The following THRAP3 variants were observed in gnomAD, a reference collection of about 807,000 sequenced individuals.
THRAP3 encodes thyroid hormone receptor associated protein 3.
In THRAP3, 16 loss-of-function variants were observed where a neutral mutation model predicts 101.0. The observed-to-expected ratio is 0.16, with a 90% CI of 0.11 to 0.24. The LOEUF (loss-of-function observed/expected upper bound fraction) is 0.24, where lower values mean the gene tolerates loss of function less well. Among genes scored for constraint, THRAP3 ranks in the 10% least tolerant of loss-of-function variants. The pLI is 1.00. For missense variants in THRAP3, 989 were observed against 1,202.7 expected (o/e 0.82, Z 2.63); for synonymous variants, 407 against 422.6 (o/e 0.96, Z 0.45).
intron 1 of THRAP3, among the ~76,000 whole-genome samples, chr1:36,254,199 AT>A (rs1283295510): frequency 1.3e-5 from 2 of 152,242 alleles, no homozygotes; most frequent in Non-Finnish European, 2.9e-5. Context: ...GAAACTGCTG[AT>A]AAATAACCTT....
chr1:36,292,105 A>G (rs529918275), intron 6 of THRAP3, among the ~76,000 whole-genome samples: 4 of 151,924 alleles, frequency 2.6e-5, no homozygotes, highest in Non-Finnish European at 5.9e-5. Flanking sequence ...CTAGTGCCCA[A>G]TATGGGACCG....
chr1:36,300,173 T>C (rs955761107), intron 9 of THRAP3, among the ~76,000 whole-genome samples: 2 of 152,096 alleles, frequency 1.3e-5, no homozygotes, highest in East Asian at 1.9e-4. Context: ...TTCCCCTAGA[T>C]GAAGGAAAGG....
chr1:36,292,536 G>C (rs1645889677), intron 6 of THRAP3, 62 bp from the exon 7 acceptor site: 1 of 1,330,754 alleles, frequency 7.5e-7, no homozygotes, highest in Non-Finnish European at 1.1e-6. Flanking sequence ...TCCGAAAGTG[G>C]TGGGATTATA....
intron 11 of THRAP3, among the ~76,000 whole-genome samples, chr1:36,302,417 C>T (rs1022305620): frequency 1.3e-5 from 2 of 152,212 alleles, no homozygotes; most frequent in Non-Finnish European, 2.9e-5. Context: ...CATCCCTTTT[C>T]TAGGGTTGCT....
the THRAP3 span, among the ~76,000 whole-genome samples, chr1:36,210,408 G>C: frequency 1.3e-5 from 2 of 148,292 alleles, no homozygotes; most frequent in African/African-American, 5.0e-5. Context: ...AAAATTATAG[G>C]CTGGGCACAG....
intron 1 of THRAP3, among the ~76,000 whole-genome samples, chr1:36,244,866 C>T (rs1018749375): frequency 6.6e-6 from 1 of 151,998 alleles, no homozygotes; most frequent in Non-Finnish European, 1.5e-5. Context: ...TACAGGCACA[C>T]GCCACCACGC....
chr1:36,220,972 A>AAAAAAAATATATATATATAT (rs1285765741), upstream of THRAP3, among the ~76,000 whole-genome samples: 2 of 94,122 alleles, frequency 2.1e-5, no homozygotes, highest in African/African-American at 9.5e-5. Context: ...AAAAAAAAAA[A>AAAAAAAATATATATATATAT]ATATATATAT....
chr1:36,227,511 C>T (rs535987329), intron 1 of THRAP3, among the ~76,000 whole-genome samples: 6 of 152,106 alleles, frequency 3.9e-5, no homozygotes, highest in South Asian at 4.1e-4. Flanking sequence ...CAAACTCCCA[C>T]GCTTAGGTGA....
chr1:36,288,698 C>G, intron 4 of THRAP3: 1 of 985,392 alleles, frequency 1.0e-6, no homozygotes, highest in Non-Finnish European at 1.2e-6. Context: ...TTTTAAGTGA[C>G]TGAGTGAAGG....
Position 36,304,174 on chromosome 1 carries a change from GCT to G in THRAP3, c.*158_*159del, listed in dbSNP as rs1646066994. The stretch of plus-strand genomic sequence containing the variant: ...TACTACCGCGAGAGGCATCCCTGGC[GCT>G]GTCTCCCACTGGACAGAGGAGGCTG... On this transcript the variant is annotated 3_prime_UTR_variant, in exon 12 of 12. Coordinates refer to ENST00000354618, the MANE Select transcript of THRAP3 (RefSeq NM_005119.4). The G allele has an allele frequency of 3.4e-6, 4 of 1,192,562 alleles. No homozygotes were observed. The highest frequency in any genetic ancestry group is 4.5e-6 in the Non-Finnish European group (4 of 886,156). 73.9% of individuals were successfully genotyped at this position (1,192,562 alleles called of 1,614,324 possible).
At chr1:36,267,329 A>T (rs1645528793) in intron 2 of THRAP3, among the ~76,000 whole-genome samples, 1 of 152,204 alleles carries the variant, frequency 6.6e-6, no homozygotes. Context: ...GAAGTAGTAA[A>T]AAAGGAATGT....
At chr1:36,224,959 C>G (rs183429492) in intron 1 of THRAP3, 1 of 152,298 alleles carries the variant, frequency 6.6e-6, no homozygotes, top group African/African-American at 2.4e-5. Flanking sequence ...GTACCGCTTC[C>G]GTTCTTTCCA....
chr1:36,258,438 A>G (rs1645403349), intron 1 of THRAP3, among the ~76,000 whole-genome samples: 2 of 152,228 alleles, frequency 1.3e-5, no homozygotes, highest in Non-Finnish European at 2.9e-5. Context: ...GGATCTGAAT[A>G]CTAAGCCTCA....
At chr1:36,246,748 A>T (rs1049477112) in intron 1 of THRAP3, among the ~76,000 whole-genome samples, 2 of 151,820 alleles carry the variant, frequency 1.3e-5, no homozygotes, top group Non-Finnish European at 2.9e-5. Flanking sequence ...AGGCTGAGGC[A>T]GGAGAATGGC....
chr1:36,226,582 A>G (rs1644964957), intron 1 of THRAP3, among the ~76,000 whole-genome samples: 1 of 152,134 alleles, frequency 6.6e-6, no homozygotes, highest in Admixed American at 6.6e-5. Context: ...TTTAGAATGG[A>G]TAGTCCTAAC....
intron 1 of THRAP3, among the ~76,000 whole-genome samples, chr1:36,252,927 CATATATAT>C (rs71053916): frequency 0.042 from 3,183 of 76,510 alleles, 79 homozygotes; most frequent in African/African-American, 0.071. Flanking sequence ...TATAGATAGG[CATATATAT>C]ATATATATAT....
chr1:36,292,898 CT>C (rs1645895036), intron 7 of THRAP3, among the ~76,000 whole-genome samples, 189 bp downstream of exon 7: 1 of 152,098 alleles, frequency 6.6e-6, no homozygotes, highest in Non-Finnish European at 1.5e-5. Flanking sequence ...ACAACAGTCT[CT>C]CACATTGGGC....
intron 11 of THRAP3, among the ~76,000 whole-genome samples, chr1:36,303,314 A>G (rs541208124): frequency 6.6e-6 from 1 of 151,902 alleles, no homozygotes; most frequent in African/African-American, 2.4e-5. Flanking sequence ...ATGGAGTTGC[A>G]CGTTTTGGTG....
At chr1:36,214,607 C>A in the THRAP3 span, among the ~76,000 whole-genome samples, 1 of 152,274 alleles carries the variant, frequency 6.6e-6, no homozygotes. Context: ...GCCTGTAATC[C>A]CAGCACTCTG....
Sources: allele counts gnomAD v4.1 joint callset (sites outside exome capture counted in the v4.1 genomes callset), GRCh38; gene constraint gnomAD v4.1.1; transcripts MANE v1.5; gene names NCBI Gene and HGNC (gene_info 2026-07-23, HGNC 2026-07-21).